The following OTUD7A variants were observed in gnomAD, a reference collection of about 807,000 sequenced individuals.
The protein encoded by OTUD7A is OTU domain-containing protein 7A.
OTUD7A carries 12 observed loss-of-function variants against 65.7 expected under a neutral mutation model. The ratio of observed to expected loss-of-function variants is 0.18; its 90% CI spans 0.12 to 0.30. The LOEUF (loss-of-function observed/expected upper bound fraction) is 0.30. Ranked by LOEUF, OTUD7A falls within the 10% of genes least tolerant of loss-of-function variation. OTUD7A has a pLI of 1.00. For synonymous variants in OTUD7A, 641 were observed against 586.3 expected, an observed-to-expected ratio of 1.09 and a Z score of -1.35; for missense variants, 1,148 against 1,304.8, an observed-to-expected ratio of 0.88 and a Z score of 1.85.
At chr15:31,558,352 C>T (rs1888567525) in intron 5 of OTUD7A, 1 of 152,656 alleles carries the variant, frequency 6.6e-6, no homozygotes, top group Non-Finnish European at 1.5e-5. Context: ...ACGCTTTCTT[C>T]ATTGGGATGT....
At chr15:31,733,809 T>C (rs1400068327) in intron 1 of OTUD7A, among the ~76,000 whole-genome samples, 2 of 152,004 alleles carry the variant, frequency 1.3e-5, no homozygotes, top group African/African-American at 2.4e-5. Flanking sequence ...AGCCACATAA[T>C]GGGGAAATAC....
At chr15:31,721,361 G>GCCA (rs1274051057) in intron 1 of OTUD7A, among the ~76,000 whole-genome samples, 1 of 151,488 alleles carries the variant, frequency 6.6e-6, no homozygotes, top group Non-Finnish European at 1.5e-5. Context: ...TTGTGTGAAG[G>GCCA]CCATGCTGAT....
chr15:31,719,735 A>G (rs1309208396), intron 1 of OTUD7A, among the ~76,000 whole-genome samples: 1 of 152,140 alleles, frequency 6.6e-6, no homozygotes, highest in Non-Finnish European at 1.5e-5. Context: ...ATGACATCAC[A>G]TCTTACTCAG....
At chr15:31,679,743 C>A (rs2141304360) in intron 1 of OTUD7A, among the ~76,000 whole-genome samples, 1 of 152,234 alleles carries the variant, frequency 6.6e-6, no homozygotes, top group East Asian at 1.9e-4. Flanking sequence ...TATAAATTAC[C>A]CAATCTTGGG....
At chr15:31,510,208 C>T (rs1402871990) in intron 8 of OTUD7A, among the ~76,000 whole-genome samples, 2 of 151,988 alleles carry the variant, frequency 1.3e-5, no homozygotes, top group Non-Finnish European at 2.9e-5. Context: ...CATCACTGGC[C>T]CACAGGCTTG....
intron 3 of OTUD7A, among the ~76,000 whole-genome samples, chr15:31,643,259 G>A (rs1891569810): frequency 6.6e-6 from 1 of 152,176 alleles, no homozygotes; most frequent in African/African-American, 2.4e-5. Flanking sequence ...AGCTGGGATT[G>A]CGGGCATGCA....
At chr15:31,850,408 TG>T (rs1184706043) in intron 1 of OTUD7A, among the ~76,000 whole-genome samples, 1 of 129,110 alleles carries the variant, frequency 7.7e-6, no homozygotes, top group Non-Finnish European at 1.6e-5. Context: ...TGGGGCCTGT[TG>T]TGGGGTGGGG....
Position 31,483,652 on chromosome 15 carries a change from C to G in OTUD7A, c.2444G>C (p.Ser815Thr), listed in dbSNP as rs1322446593. 1 of 1,171,618 alleles carries G rather than the reference C, an allele frequency of 8.5e-7. No individual in the cohort carries two copies. The highest frequency in any genetic ancestry group is 4.7e-5 in the Admixed American group (1 of 21,222). 72.6% of individuals were successfully genotyped at this position (1,171,618 alleles called of 1,614,324 possible). ...GGCGGCGGCGCGCGCCGGGCTGTAG[C>G]TCTGCGACGACAGCGAGCGGTTCTG... ...PQQNRSLSSQ[S>T]YSPARAAALR... The change falls in exon 13 of 13, where the codon AGC becomes ACC. Residue 815 changes from serine (S) to threonine (T), a missense_variant. By Grantham distance (58) the Ser-to-Thr change is moderately conservative (BLOSUM62 1). This residue lies in a region of OTUD7A where 842 missense variants were observed against 769.5 expected (regional missense o/e 1.09). Coordinates refer to ENST00000307050, the MANE Select transcript of OTUD7A (RefSeq NM_001382637.1).
chr15:31,477,620 T>C lies in OTUD7A; in HGVS notation c.*5674A>G, dbSNP rs2041043005. ...AACCTAGATTTGATGAAAGCTGAAA[T>C]TGACATTTTCTGGCCTCTTAATAGT... On this transcript the variant is annotated 3_prime_UTR_variant, in exon 13 of 13. Coordinates refer to ENST00000307050, the MANE Select transcript of OTUD7A (RefSeq NM_001382637.1). The C allele has an allele frequency of 2.6e-5, 4 of 152,208 alleles. No individual in the cohort carries two copies. The highest frequency in any genetic ancestry group is 4.8e-5 in the African/African-American group (2 of 41,444). The allele number at this position is 152,208 out of a possible 1,614,324, so 9.4% of individuals were successfully genotyped here. A position where few individuals can be genotyped will look rare whatever the true frequency, so the allele number is the denominator to read the frequency against.
chr15:31,579,546 C>T (rs1237121082), intron 3 of OTUD7A, among the ~76,000 whole-genome samples: 3 of 152,196 alleles, frequency 2.0e-5, no homozygotes, highest in African/African-American at 7.2e-5. Context: ...AGTGAGATTT[C>T]ATCATGCTAC....
At chr15:31,629,382 T>C (rs1166556088) in intron 3 of OTUD7A, among the ~76,000 whole-genome samples, 1 of 152,252 alleles carries the variant, frequency 6.6e-6, no homozygotes, top group Non-Finnish European at 1.5e-5. Flanking sequence ...TCTGTTTATA[T>C]GCTGGATTAC....
intron 1 of OTUD7A, among the ~76,000 whole-genome samples, chr15:31,759,678 G>A (rs1026150288): frequency 6.6e-6 from 1 of 151,972 alleles, no homozygotes; most frequent in African/African-American, 2.4e-5. Flanking sequence ...GGATACAGGC[G>A]TGCACCACCA....
intron 1 of OTUD7A, among the ~76,000 whole-genome samples, chr15:31,689,731 G>C (rs1331691449): frequency 6.6e-6 from 1 of 152,194 alleles, no homozygotes; most frequent in African/African-American, 2.4e-5. Flanking sequence ...AGACAGATGA[G>C]GATCAATGGG....
chr15:31,618,887 C>A (rs1325256859), intron 3 of OTUD7A, among the ~76,000 whole-genome samples: 1 of 152,124 alleles, frequency 6.6e-6, no homozygotes, highest in Non-Finnish European at 1.5e-5. Context: ...AGGTTTTCTT[C>A]TAGGGTTTTT....
chr15:31,574,530 A>G (rs747585838), intron 3 of OTUD7A, among the ~76,000 whole-genome samples: 2 of 150,252 alleles, frequency 1.3e-5, no homozygotes, highest in Non-Finnish European at 1.5e-5. Flanking sequence ...ACAAAACAAC[A>G]GTAACAACAA....
chr15:31,620,448 T>G (rs1890743496), intron 3 of OTUD7A, among the ~76,000 whole-genome samples: 1 of 152,028 alleles, frequency 6.6e-6, no homozygotes, highest in Non-Finnish European at 1.5e-5. Flanking sequence ...TTTCAGAGAC[T>G]GTTATTGGTC....
chr15:31,811,689 T>C (rs968893723), intron 1 of OTUD7A, among the ~76,000 whole-genome samples: 5 of 152,142 alleles, frequency 3.3e-5, no homozygotes, highest in Admixed American at 2.6e-4. Flanking sequence ...TGCCTTCCTC[T>C]TGCCCTCACA....
intron 1 of OTUD7A, among the ~76,000 whole-genome samples, chr15:31,829,919 C>A (rs1239783428): frequency 1.3e-5 from 2 of 152,222 alleles, no homozygotes; most frequent in African/African-American, 4.8e-5. Context: ...ACGACAATCT[C>A]TGCTGCCGTG....
chr15:31,577,905 TAAGC>T (rs1376070060), intron 3 of OTUD7A, among the ~76,000 whole-genome samples: 1 of 149,978 alleles, frequency 6.7e-6, no homozygotes, highest in South Asian at 2.1e-4. Flanking sequence ...CATCAAAAAA[TAAGC>T]AAGAATAACC....
Sources: gnomAD v4.1 joint callset for allele counts (sites outside exome capture counted in the v4.1 genomes callset) on GRCh38, gnomAD v4.1.1 for gene constraint, gnomAD v4.1.1 regional missense constraint, MANE v1.5 for transcripts, NCBI Gene and HGNC (gene_info 2026-07-23, HGNC 2026-07-21) for gene names.